HDAC9: variants seen among roughly 807,000 people sequenced by gnomAD.
The protein encoded by HDAC9 is histone deacetylase 9, also known as MEF-2 interacting transcription repressor (MITR) protein.
HDAC9 carries 41 observed loss-of-function variants against 139.4 expected under a neutral mutation model. That is an observed-to-expected ratio of 0.29 (90% confidence interval 0.23 to 0.38). HDAC9 has a LOEUF of 0.38. HDAC9 is among the 10% of genes least tolerant of loss of function. HDAC9 has a pLI of 1.00. For synonymous variants in HDAC9, 517 were observed against 476.2 expected (o/e 1.09, Z -1.12); for missense variants, 1,147 against 1,297.0 (o/e 0.88, Z 1.78).
chr7:18,238,152 T>A (rs114484465), intron 2 of HDAC9, among the ~76,000 whole-genome samples: 2,196 of 152,342 alleles, frequency 0.014, 57 homozygotes, highest in African/African-American at 0.05. Flanking sequence ...AGAGCTAGTT[T>A]ACTTCCATAA....
intron 12 of HDAC9, among the ~76,000 whole-genome samples, chr7:18,673,636 TCA>T (rs1562840613): frequency 6.6e-6 from 1 of 151,880 alleles, no homozygotes; most frequent in Non-Finnish European, 1.5e-5. Context: ...CATTTGTGAC[TCA>T]CATATTTTTA....
chr7:18,203,763 T>G (rs2697897), intron 2 of HDAC9, among the ~76,000 whole-genome samples: 38,824 of 152,174 alleles, frequency 0.26, 6,049 homozygotes, highest in East Asian at 0.37. Context: ...CTTCCTAGTT[T>G]GTTTCTGGCA....
At chr7:18,480,483 C>G (rs1226190302) in intron 1 of HDAC9, among the ~76,000 whole-genome samples, 1 of 152,152 alleles carries the variant, frequency 6.6e-6, no homozygotes, top group Non-Finnish European at 1.5e-5. Context: ...CATAGAGCAA[C>G]TGCTGTGCCA....
At chr7:18,987,360 G>T (rs1346285827) in intron 25 of HDAC9, among the ~76,000 whole-genome samples, 2 of 152,088 alleles carry the variant, frequency 1.3e-5, no homozygotes, top group East Asian at 3.9e-4. Flanking sequence ...TTTATATGCT[G>T]GATTACATTT....
intron 1 of HDAC9, among the ~76,000 whole-genome samples, chr7:18,147,712 A>G (rs1786448131): frequency 1.3e-5 from 2 of 151,480 alleles, no homozygotes; most frequent in Non-Finnish European, 3.0e-5. Context: ...GTCCAGAGTT[A>G]GCCATTATCC....
intron 6 of HDAC9, among the ~76,000 whole-genome samples, chr7:18,614,961 A>G (rs1337203476): frequency 6.6e-6 from 1 of 152,210 alleles, no homozygotes; most frequent in Non-Finnish European, 1.5e-5. Context: ...GTAAAGGAGA[A>G]TGATACCTCC....
At position 18,647,950 on chromosome 7, in the gene HDAC9, C is replaced by A; in HGVS notation, c.1201C>A (p.His401Asn). Reference sequence around the variant, plus strand: ...CAGCAGCCACCAGGCTCTCCTGCAGCATTTATTATTGAAAGAACAAATGCG... The same window carrying A: ...CAGCAGCCACCAGGCTCTCCTGCAGAATTTATTATTGAAAGAACAAATGCG... ...PNSSHQALLQ[H>N]LLLKEQMRQQ... The change falls in exon 10 of 26, where the codon CAT (histidine) becomes AAT (asparagine). Residue 401 changes from histidine (H) to asparagine (N), a missense_variant. His to Asn is a moderately conservative substitution (Grantham distance 68, BLOSUM62 1). This residue lies in a region of HDAC9 where 264 missense variants were observed against 273.8 expected (regional missense o/e 0.96). Transcript: ENST00000686413. 1.2e-6 allele frequency: 2 copies of A among 1,612,394 alleles called. No individual in the cohort carries two copies. The highest frequency in any genetic ancestry group is 1.7e-6 in the Non-Finnish European group (2 of 1,179,244).
intron 2 of HDAC9, among the ~76,000 whole-genome samples, chr7:18,561,023 C>T (rs1375320880): frequency 6.6e-6 from 1 of 152,092 alleles, no homozygotes; most frequent in Non-Finnish European, 1.5e-5. Context: ...CTGTATCAGT[C>T]AGCCCCAGAA....
intron 16 of HDAC9, among the ~76,000 whole-genome samples, chr7:18,782,561 A>G (rs1791335970): frequency 1.3e-5 from 2 of 152,092 alleles, no homozygotes; most frequent in African/African-American, 4.8e-5. Context: ...AGGAAACTAC[A>G]GTTGAACTAG....
chr7:18,373,351 C>G (rs1784738028), intron 1 of HDAC9, among the ~76,000 whole-genome samples: 1 of 151,868 alleles, frequency 6.6e-6, no homozygotes, highest in Non-Finnish European at 1.5e-5. Flanking sequence ...TTGAGGACCT[C>G]TGGTATATGT....
At chr7:18,469,795 T>C (rs1237404910) in intron 1 of HDAC9, among the ~76,000 whole-genome samples, 3 of 152,098 alleles carry the variant, frequency 2.0e-5, no homozygotes, top group African/African-American at 7.2e-5. Context: ...ACTCAGATCT[T>C]ATAGGTAAAT....
chr7:18,272,141 T>G (rs1325107977), intron 2 of HDAC9, among the ~76,000 whole-genome samples: 1 of 152,174 alleles, frequency 6.6e-6, no homozygotes, highest in African/African-American at 2.4e-5. Context: ...TTTCAAATGT[T>G]TATGTTTTAC....
chr7:18,978,569 A>G (rs1381252612), intron 25 of HDAC9, among the ~76,000 whole-genome samples: 1 of 152,204 alleles, frequency 6.6e-6, no homozygotes, highest in Non-Finnish European at 1.5e-5. Context: ...GATCAAAAAA[A>G]TGATTGATGG....
At chr7:18,599,974 GTTTT>G (rs35922999) in intron 6 of HDAC9, among the ~76,000 whole-genome samples, 3 of 148,900 alleles carry the variant, frequency 2.0e-5, no homozygotes, top group Non-Finnish European at 3.0e-5. Context: ...TGTATTTTAA[GTTTT>G]TTTTTTTTAA....
chr7:18,519,512 A>C (rs995176343), intron 2 of HDAC9, among the ~76,000 whole-genome samples: 12 of 152,200 alleles, frequency 7.9e-5, no homozygotes, highest in Non-Finnish European at 1.8e-4. Context: ...AGTATCCGAG[A>C]AGATGATCAA....
At chr7:18,985,311 T>C (rs1408744284) in intron 25 of HDAC9, among the ~76,000 whole-genome samples, 1 of 151,872 alleles carries the variant, frequency 6.6e-6, no homozygotes, top group East Asian at 1.9e-4. Flanking sequence ...TGAGTGAGAA[T>C]ATGCGGTGTT....
intron 6 of HDAC9, among the ~76,000 whole-genome samples, chr7:18,603,329 G>A (rs947736418): frequency 2.6e-5 from 4 of 151,862 alleles, no homozygotes; most frequent in African/African-American, 9.7e-5. Flanking sequence ...TATCTAGAAT[G>A]TTTGTAACTG....
rs10225951 is a variant in HDAC9, at chr7:18,692,229, C to T, written c.1731+25753C>T. On this transcript the variant is annotated intron_variant, in intron 12 of 25. Transcript: ENST00000686413. ...CTTTCCAAATTGTGTTTTAAAACAT[C>T]AGTCCAGGGAGATGTTCTCTTGTCT... Among the ~76,000 whole-genome samples, 385 of 152,196 alleles carry T rather than the reference C, an allele frequency of 2.5e-3. 1 individual carries two copies. Among genetic ancestry groups the T allele is most frequent in the African/African-American group, 9.1e-3 (377 of 41,550 alleles).
rs189963802 is a variant in HDAC9, at chr7:18,878,783, T to A, written c.2803+4187T>A. 1.1e-4 allele frequency among the ~76,000 whole-genome samples: 17 copies of A among 151,570 alleles called. No individual in the cohort carries two copies. The East Asian group carries it at 3.3e-3, about 29-fold the overall frequency. ...AGATGCCTTCTCTCTACCACTCCTA[T>A]TCAACACACTTTAGAAATCCTAGCC... On this transcript the variant is annotated intron_variant, in intron 22 of 25. Coordinates refer to ENST00000686413, the MANE Select transcript of HDAC9 (RefSeq NM_178425.4).
Sources: allele counts gnomAD v4.1 joint callset (sites outside exome capture counted in the v4.1 genomes callset), GRCh38; gene constraint gnomAD v4.1.1; regional missense constraint gnomAD v4.1.1; transcripts MANE v1.5; gene names NCBI Gene and HGNC (gene_info 2026-07-23, HGNC 2026-07-21).